Variants in FRMD4B observed in about 807,000 individuals in gnomAD.
FRMD4B encodes FERM domain-containing protein 4B.
In FRMD4B, 74 loss-of-function variants were observed where a neutral mutation model predicts 141.5. The ratio of observed to expected loss-of-function variants is 0.52; its 90% CI spans 0.43 to 0.63. The LOEUF (loss-of-function observed/expected upper bound fraction) is 0.63, where lower values mean the gene tolerates loss of function less well. Among genes scored for constraint, FRMD4B ranks in the 30% least tolerant of loss-of-function variants. The pLI is 0.00. For synonymous variants in FRMD4B, 506 were observed against 467.9 expected, an observed-to-expected ratio of 1.08 and a Z score of -1.05; for missense variants, 1,366 against 1,253.4, an observed-to-expected ratio of 1.09 and a Z score of -1.36.
rs1407740985 is a variant in FRMD4B at position 69,169,527 on chromosome 3, T to G, written c.*2334A>C. ...CACACATCACCATGACTGGCTAATT[T>G]TTGTATTTTCATAGAGATGGGGTTT... On this transcript the variant is annotated 3_prime_UTR_variant, in exon 23 of 23. Coordinates refer to ENST00000398540, the MANE Select transcript of FRMD4B (RefSeq NM_015123.3). Among the ~76,000 whole-genome samples, 1 of 151,954 alleles carries G rather than the reference T, an allele frequency of 6.6e-6. No individual in the cohort carries two copies. The highest frequency in any genetic ancestry group is 1.9e-4 in the East Asian group (1 of 5,178).
At chr3:69,207,011 A>C (rs2093029951) in intron 11 of FRMD4B, among the ~76,000 whole-genome samples, 1 of 152,224 alleles carries the variant, frequency 6.6e-6, no homozygotes, top group African/African-American at 2.4e-5. Context: ...GTATATAATA[A>C]AGAAACTTTG....
At chr3:69,241,600 CA>C (rs1288319470) in intron 7 of FRMD4B, among the ~76,000 whole-genome samples, 1 of 151,968 alleles carries the variant, frequency 6.6e-6, no homozygotes, top group Non-Finnish European at 1.5e-5. Flanking sequence ...TGTTGGGATA[CA>C]AAAAAAGAAA....
At chr3:69,419,410 G>A (rs914975048) in intron 2 of FRMD4B, among the ~76,000 whole-genome samples, 4 of 152,150 alleles carry the variant, frequency 2.6e-5, no homozygotes, top group African/African-American at 9.7e-5. Flanking sequence ...GGAGCCAGAG[G>A]TGGCCACTCA....
At chr3:69,307,341 A>G (rs543956119) in intron 3 of FRMD4B, among the ~76,000 whole-genome samples, 7 of 152,180 alleles carry the variant, frequency 4.6e-5, no homozygotes, top group African/African-American at 1.4e-4. Context: ...AGTCATTCCC[A>G]TTATTCCTTT....
At chr3:69,512,984 C>T (rs1051591318) in intron 1 of FRMD4B, among the ~76,000 whole-genome samples, 1 of 151,856 alleles carries the variant, frequency 6.6e-6, no homozygotes, top group Non-Finnish European at 1.5e-5. Context: ...TATCAACAAC[C>T]TAACTTTATA....
At chr3:69,438,416 T>C (rs1705294020) in intron 1 of FRMD4B, among the ~76,000 whole-genome samples, 1 of 152,102 alleles carries the variant, frequency 6.6e-6, no homozygotes, top group Non-Finnish European at 1.5e-5. Flanking sequence ...TTGTTATGAA[T>C]ATTTTACCAC....
chr3:69,280,446 A>T (rs1220088961), intron 5 of FRMD4B, among the ~76,000 whole-genome samples: 1 of 152,124 alleles, frequency 6.6e-6, no homozygotes, highest in Non-Finnish European at 1.5e-5. Flanking sequence ...ATCCCTCTAG[A>T]AGTGTTGCTT....
chr3:69,322,330 C>T (rs1412497830), intron 1 of FRMD4B, among the ~76,000 whole-genome samples: 2 of 152,162 alleles, frequency 1.3e-5, no homozygotes, highest in Non-Finnish European at 2.9e-5. Flanking sequence ...CACTCCCGTT[C>T]AGAGAATGGC....
intron 10 of FRMD4B, 80 bp from the exon 11 acceptor site, chr3:69,216,429 C>CTTT (rs397990009): frequency 4.3e-3 from 1,649 of 379,774 alleles, no homozygotes; most frequent in South Asian, 6.5e-3. Flanking sequence ...AATTTCACCT[C>CTTT]TTTTTTTTTT....
chr3:69,187,236 T>G (rs1448428773), intron 19 of FRMD4B, among the ~76,000 whole-genome samples: 1 of 152,098 alleles, frequency 6.6e-6, no homozygotes, highest in Non-Finnish European at 1.5e-5. Context: ...GTCAAATGCA[T>G]TTTAAAAGAC....
intron 1 of FRMD4B, among the ~76,000 whole-genome samples, chr3:69,498,427 C>T (rs138442780): frequency 7.9e-5 from 12 of 152,154 alleles, no homozygotes; most frequent in East Asian, 5.8e-4. Context: ...GAAGCCTGCA[C>T]GTGTGTGTGC....
chr3:69,213,769 C>G (rs187104002), intron 11 of FRMD4B, among the ~76,000 whole-genome samples: 1 of 151,518 alleles, frequency 6.6e-6, no homozygotes, highest in African/African-American at 2.4e-5. Flanking sequence ...CTCAAGTGAT[C>G]CTTCTACCTC....
rs571508910 is a variant in FRMD4B, at chr3:69,422,336, G to A, written c.-1+10298C>T. On this transcript the variant is annotated intron_variant, in intron 2 of 5. Coordinates refer to the FRMD4B transcript ENST00000459638. ...TGAACCCGGGAGGTTGTAGTGCGTT[G>A]AGATCATGCCACTGCACTCCAGCCT... Among the ~76,000 whole-genome samples, 42 of 150,120 alleles carry A rather than the reference G, an allele frequency of 2.8e-4. No homozygotes were observed. The South Asian group carries it at 6.5e-3, about 23-fold the overall frequency.
At chr3:69,213,573 T>C (rs550404310) in intron 11 of FRMD4B, among the ~76,000 whole-genome samples, 4 of 152,108 alleles carry the variant, frequency 2.6e-5, no homozygotes, top group African/African-American at 7.2e-5. Flanking sequence ...ACAGAGCTTA[T>C]AGAATAAAAA....
chr3:69,537,576 G>A (rs887741804), intron 1 of FRMD4B, among the ~76,000 whole-genome samples: 1 of 152,142 alleles, frequency 6.6e-6, no homozygotes, highest in Non-Finnish European at 1.5e-5. Flanking sequence ...GACTGTTGTG[G>A]GTTTTTAATC....
intron 11 of FRMD4B, among the ~76,000 whole-genome samples, chr3:69,207,258 T>G (rs1384477764): frequency 1.3e-5 from 2 of 150,840 alleles, no homozygotes; most frequent in African/African-American, 4.9e-5. Flanking sequence ...TGAACTATCA[T>G]TATGACTCTG....
At chr3:69,198,382 A>AC (rs1282901236) in intron 12 of FRMD4B, 12 of 256,858 alleles carry the variant, frequency 4.7e-5, no homozygotes, top group African/African-American at 2.2e-4. Context: ...AGAAGGTACC[A>AC]CTTCAACCCA....
At chr3:69,219,433 TAA>T (rs896447746) in intron 9 of FRMD4B, among the ~76,000 whole-genome samples, 6 of 152,046 alleles carry the variant, frequency 3.9e-5, no homozygotes, top group East Asian at 3.9e-4. Flanking sequence ...CAAATGAATA[TAA>T]GAGGTTAAAT....
At chr3:69,504,998 T>C (rs1706571432) in intron 1 of FRMD4B, among the ~76,000 whole-genome samples, 1 of 152,192 alleles carries the variant, frequency 6.6e-6, no homozygotes. Flanking sequence ...CAATTTTTAA[T>C]CTTCTAAAGC....
Sources: allele counts gnomAD v4.1 joint callset (sites outside exome capture counted in the v4.1 genomes callset), GRCh38; gene constraint gnomAD v4.1.1; transcripts MANE v1.5; gene names NCBI Gene and HGNC (gene_info 2026-07-23, HGNC 2026-07-21).